The following ARHGAP31 variants were observed in gnomAD, a reference collection of about 807,000 sequenced individuals.
ARHGAP31 encodes the protein Rho GTPase activating protein 31.
ARHGAP31 carries 34 observed loss-of-function variants against 113.9 expected under a neutral mutation model. The ratio of observed to expected loss-of-function variants is 0.30; its 90% CI spans 0.23 to 0.40. The LOEUF (loss-of-function observed/expected upper bound fraction) is 0.40, where lower values mean the gene tolerates loss of function less well. Among genes scored for constraint, ARHGAP31 ranks in the 10% least tolerant of loss-of-function variants. The pLI, the probability that ARHGAP31 is intolerant of heterozygous loss-of-function variation, is 1.00. For missense variants in ARHGAP31, 1,548 were observed against 1,767.1 expected (o/e 0.88, Z 2.22); for synonymous variants, 650 against 684.8 (o/e 0.95, Z 0.79).
At chr3:119,303,987 G>A (rs776233188) in intron 1 of ARHGAP31, among the ~76,000 whole-genome samples, 4 of 152,034 alleles carry the variant, frequency 2.6e-5, no homozygotes, top group African/African-American at 7.2e-5. Flanking sequence ...ATAGAGACAC[G>A]GTTTCACTAT....
chr3:119,329,944 A>G, intron 1 of ARHGAP31: 1 of 985,508 alleles, frequency 1.0e-6, no homozygotes, highest in Non-Finnish European at 1.2e-6. Flanking sequence ...AAGACGCTGA[A>G]GAAGTCAAAG....
intron 1 of ARHGAP31, among the ~76,000 whole-genome samples, chr3:119,329,262 T>G (rs1576996539): frequency 6.6e-6 from 1 of 152,310 alleles, no homozygotes; most frequent in East Asian, 1.9e-4. Context: ...TTCTTCACGG[T>G]TTAGTCTCTT....
intron 1 of ARHGAP31, among the ~76,000 whole-genome samples, chr3:119,333,766 T>C (rs1052404278): frequency 2.6e-5 from 4 of 152,238 alleles, no homozygotes; most frequent in African/African-American, 9.6e-5. Context: ...TTTATTCCTT[T>C]CTTTTCACCA....
intron 2 of ARHGAP31, among the ~76,000 whole-genome samples, chr3:119,366,940 A>T (rs900571941): frequency 2.6e-5 from 4 of 152,124 alleles, no homozygotes; most frequent in African/African-American, 9.7e-5. Context: ...CGTCTCTACT[A>T]AAAATACAAA....
intron 1 of ARHGAP31, among the ~76,000 whole-genome samples, chr3:119,349,630 G>A (rs1330423510): frequency 1.3e-5 from 2 of 152,234 alleles, no homozygotes; most frequent in Non-Finnish European, 2.9e-5. Flanking sequence ...CATTGGAGCA[G>A]CTGGCAGGCA....
intron 1 of ARHGAP31, among the ~76,000 whole-genome samples, chr3:119,322,151 A>G (rs1410308138): frequency 6.6e-6 from 1 of 152,192 alleles, no homozygotes; most frequent in East Asian, 1.9e-4. Context: ...TATTAGTCAG[A>G]ACTCTCTTGG....
chr3:119,390,687 A>T, intron 6 of ARHGAP31, 98 bp from the exon 7 acceptor site: 2 of 1,346,526 alleles, frequency 1.5e-6, no homozygotes, highest in Non-Finnish European at 2.1e-6. Context: ...CTCAGCCCCC[A>T]TCATAGGATC....
At position 119,294,642 on chromosome 3, in the gene ARHGAP31, C is replaced by T. The variant is rs116244373; in HGVS notation, c.-263C>T. 3.6e-6 allele frequency: 2 copies of T among 563,016 alleles called. No homozygotes were observed. Among genetic ancestry groups the T allele is most frequent in the African/African-American group, 2.0e-5 (1 of 49,952 alleles). The allele number at this position is 563,016 out of a possible 1,614,324, so 34.9% of individuals were successfully genotyped here. A position where few individuals can be genotyped will look rare whatever the true frequency, so the allele number is the denominator to read the frequency against. On this transcript the variant is annotated 5_prime_UTR_variant, in exon 1 of 12. Coordinates refer to ENST00000264245, the MANE Select transcript of ARHGAP31 (RefSeq NM_020754.4). Reference sequence around the variant, plus strand: ...TAGGACTCCAAGTGAGGAAGTGACACTCCCAGGCGAGCCGGCCCGCGGCTG... The same window carrying T: ...TAGGACTCCAAGTGAGGAAGTGACATTCCCAGGCGAGCCGGCCCGCGGCTG...
intron 1 of ARHGAP31, among the ~76,000 whole-genome samples, chr3:119,360,527 A>G (rs2080196381): frequency 6.6e-6 from 1 of 152,206 alleles, no homozygotes; most frequent in Non-Finnish European, 1.5e-5. Flanking sequence ...TAGCAGTGTT[A>G]TGACTTCTGG....
At chr3:119,363,114 C>T (rs986089042) in intron 1 of ARHGAP31, among the ~76,000 whole-genome samples, 1 of 152,032 alleles carries the variant, frequency 6.6e-6, no homozygotes, top group Non-Finnish European at 1.5e-5. Context: ...TCCGAATCTG[C>T]ACTCTCAACC....
At chr3:119,371,760 C>T (rs1006681899) in intron 3 of ARHGAP31, among the ~76,000 whole-genome samples, 2 of 152,112 alleles carry the variant, frequency 1.3e-5, no homozygotes, top group African/African-American at 4.8e-5. Context: ...AGGTACTAAG[C>T]CTACTCCCAA....
intron 1 of ARHGAP31, among the ~76,000 whole-genome samples, chr3:119,305,799 A>T (rs1218500041): frequency 1.3e-5 from 2 of 152,244 alleles, no homozygotes; most frequent in Non-Finnish European, 2.9e-5. Flanking sequence ...AGCTGAGGAC[A>T]GAAACGCTGC....
At chr3:119,328,663 CAG>C (rs2079866678) in intron 1 of ARHGAP31, among the ~76,000 whole-genome samples, 1 of 151,586 alleles carries the variant, frequency 6.6e-6, no homozygotes, top group Non-Finnish European at 1.5e-5. Flanking sequence ...TTTTCTGAGA[CAG>C]AGTCTCACTG....
At chr3:119,405,749 G>T (rs940356571) in intron 10 of ARHGAP31, among the ~76,000 whole-genome samples, 14 of 152,206 alleles carry the variant, frequency 9.2e-5, no homozygotes, top group Non-Finnish European at 1.5e-4. Context: ...TGCTGGGAAC[G>T]TGACAATGCC....
At chr3:119,326,750 G>C (rs1205197725) in intron 1 of ARHGAP31, among the ~76,000 whole-genome samples, 1 of 152,234 alleles carries the variant, frequency 6.6e-6, no homozygotes, top group East Asian at 1.9e-4. Context: ...CAGGTATTCA[G>C]AACATGACTG....
At chr3:119,393,445 C>G in intron 7 of ARHGAP31, 22 bp from the exon 8 acceptor site, 1 of 1,613,856 alleles carries the variant, frequency 6.2e-7, no homozygotes, top group Admixed American at 1.7e-5. Flanking sequence ...CAAACTAACC[C>G]CTTATGCCTT....
At chr3:119,312,003 AG>A (rs948785825) in intron 1 of ARHGAP31, among the ~76,000 whole-genome samples, 8 of 152,254 alleles carry the variant, frequency 5.3e-5, no homozygotes, top group African/African-American at 1.9e-4. Context: ...AAGAGAACAA[AG>A]GTGACAGTAT....
Position 119,399,251 on chromosome 3 carries a change from G to A in ARHGAP31, c.1059G>A (p.Val353=). The A allele has an allele frequency of 6.2e-7, 1 of 1,613,258 alleles. No homozygotes were observed. The highest frequency in any genetic ancestry group is 2.2e-5 in the East Asian group (1 of 44,880). The change falls in exon 9 of 12, where the codon GTG becomes GTA. Residue 353 remains valine (V), a synonymous_variant. Transcript: ENST00000264245. ...AAAGCATGGACTCACTATGTTCAGT[G>A]CCTGTGGAAGGTAAGATTTTACAAG... is the stretch of plus-strand genomic sequence containing the variant. The part of the protein sequence containing the change: ...PAKSMDSLCS[V]PVEGKETKGN...
In ARHGAP31 at chr3:119,419,981, T is replaced by A. The variant is rs2080808426; in HGVS notation, c.*3717T>A. ...TTCTGTCATCACAAAGCAGATTAAC[T>A]CCTAGTTAATGATGAAGCAGTAGGC... On this transcript the variant is annotated 3_prime_UTR_variant, in exon 12 of 12. Transcript: ENST00000264245. 1 of 152,156 alleles carries A rather than the reference T, an allele frequency of 6.6e-6. No individual in the cohort carries two copies. The highest frequency in any genetic ancestry group is 6.5e-5 in the Admixed American group (1 of 15,280). 9.4% of individuals were successfully genotyped at this position (152,156 alleles called of 1,614,324 possible).
Sources: gnomAD v4.1 joint callset for allele counts (sites outside exome capture counted in the v4.1 genomes callset) on GRCh38, gnomAD v4.1.1 for gene constraint, MANE v1.5 for transcripts, NCBI Gene and HGNC (gene_info 2026-07-23, HGNC 2026-07-21) for gene names.